PLCB1: variants seen among roughly 807,000 people sequenced by gnomAD.
The protein encoded by PLCB1 is phospholipase C beta 1.
A neutral mutation model predicts 161.8 loss-of-function variants in PLCB1; 46 were observed. That is an observed-to-expected ratio of 0.28 (90% CI 0.22 to 0.36). The LOEUF is 0.36. Ranked by LOEUF, PLCB1 falls within the 10% of genes least tolerant of loss-of-function variation. The pLI, the probability that PLCB1 is intolerant of heterozygous loss-of-function variation, is 1.00. For missense variants in PLCB1, 1,016 were observed against 1,472.5 expected (o/e 0.69, Z 5.07); for synonymous variants, 517 against 503.7 (o/e 1.03, Z -0.35).
intron 20 of PLCB1, among the ~76,000 whole-genome samples, chr20:8,737,917 T>C (rs1426054310): frequency 6.6e-6 from 1 of 152,254 alleles, no homozygotes; most frequent in Non-Finnish European, 1.5e-5. Context: ...CTTACAGTTA[T>C]TATGAATATT....
intron 10 of PLCB1, among the ~76,000 whole-genome samples, chr20:8,695,632 G>A (rs1012845127): frequency 6.6e-6 from 1 of 152,134 alleles, no homozygotes; most frequent in South Asian, 2.1e-4. Context: ...AGCCTAGGGG[G>A]TTGAAGCTTC....
chr20:8,426,058 T>C (rs1315652050), intron 3 of PLCB1, among the ~76,000 whole-genome samples: 4 of 152,176 alleles, frequency 2.6e-5, no homozygotes, highest in Non-Finnish European at 5.9e-5. Flanking sequence ...GCCCACTTTT[T>C]AGCTGAGTTG....
At chr20:8,168,265 CTG>C (rs1383290849) in intron 2 of PLCB1, among the ~76,000 whole-genome samples, 1 of 152,186 alleles carries the variant, frequency 6.6e-6, no homozygotes, top group African/African-American at 2.4e-5. Flanking sequence ...TAATTTGTGA[CTG>C]TTTTTGAATT....
At chr20:8,766,255 C>T (rs909221177) in intron 26 of PLCB1, among the ~76,000 whole-genome samples, 5 of 152,148 alleles carry the variant, frequency 3.3e-5, no homozygotes, top group African/African-American at 1.2e-4. Context: ...AACAAACACA[C>T]AGCATCATCT....
chr20:8,559,519 A>G (rs1247465969), intron 3 of PLCB1, among the ~76,000 whole-genome samples: 1 of 151,948 alleles, frequency 6.6e-6, no homozygotes, highest in Non-Finnish European at 1.5e-5. Flanking sequence ...AAAAACAGAG[A>G]TTGTCAGATT....
chr20:8,795,006 T>C (rs1734537358), intron 31 of PLCB1, among the ~76,000 whole-genome samples: 1 of 152,172 alleles, frequency 6.6e-6, no homozygotes, highest in Non-Finnish European at 1.5e-5. Flanking sequence ...GTTCCCAACA[T>C]TTTTACCATC....
intron 31 of PLCB1, among the ~76,000 whole-genome samples, chr20:8,863,683 A>G (rs1230366584): frequency 6.6e-6 from 1 of 152,206 alleles, no homozygotes; most frequent in Non-Finnish European, 1.5e-5. Context: ...TTTTACCATT[A>G]TAACCAAAAG....
chr20:8,839,322 A>G (rs890740974), intron 31 of PLCB1, among the ~76,000 whole-genome samples: 6 of 152,094 alleles, frequency 3.9e-5, no homozygotes, highest in African/African-American at 1.2e-4. Context: ...GCTTCTTTCA[A>G]TTTTTGGAGG....
At chr20:8,575,077 C>CAATATAAGT (rs1986634903) in intron 3 of PLCB1, among the ~76,000 whole-genome samples, 1 of 152,196 alleles carries the variant, frequency 6.6e-6, no homozygotes. Context: ...TTTAGTCCAA[C>CAATATAAGT]CCATAGATTG....
At chr20:8,306,296 C>T (rs1984134973) in intron 2 of PLCB1, 2 of 152,142 alleles carry the variant, frequency 1.3e-5, no homozygotes, top group African/African-American at 2.4e-5. Context: ...TCCTCTCCAT[C>T]CAAAATGAAT....
chr20:8,149,730 G>A (rs2051490421), intron 1 of PLCB1, among the ~76,000 whole-genome samples: 1 of 152,060 alleles, frequency 6.6e-6, no homozygotes, highest in African/African-American at 2.4e-5. Context: ...TACTATGCAT[G>A]CTTTAAACTC....
intron 2 of PLCB1, among the ~76,000 whole-genome samples, chr20:8,251,653 TTATTA>T: frequency 6.6e-6 from 1 of 151,936 alleles, no homozygotes; most frequent in Non-Finnish European, 1.5e-5. Flanking sequence ...TTCCTGCTGG[TTATTA>T]GAAGGGCATG....
At chr20:8,195,776 C>T (rs576098652) in intron 2 of PLCB1, among the ~76,000 whole-genome samples, 1 of 152,168 alleles carries the variant, frequency 6.6e-6, no homozygotes, top group South Asian at 2.1e-4. Flanking sequence ...AAGTATTGGT[C>T]AGTTACTTTA....
At chr20:8,478,795 T>C (rs896575959) in intron 3 of PLCB1, among the ~76,000 whole-genome samples, 9 of 152,164 alleles carry the variant, frequency 5.9e-5, no homozygotes, top group African/African-American at 2.2e-4. Context: ...TTATGAAATA[T>C]CAATTCTGAA....
chr20:8,493,303 T>C (rs1983025240), intron 3 of PLCB1, among the ~76,000 whole-genome samples: 1 of 152,176 alleles, frequency 6.6e-6, no homozygotes, highest in South Asian at 2.1e-4. Context: ...GAACACTGAC[T>C]TAAAAAAAAT....
chr20:8,269,857 G>A (rs747353289), intron 2 of PLCB1, among the ~76,000 whole-genome samples: 3 of 151,382 alleles, frequency 2.0e-5, no homozygotes, highest in Non-Finnish European at 2.9e-5. Flanking sequence ...AAATAATAAT[G>A]TAAACATTCT....
intron 20 of PLCB1, among the ~76,000 whole-genome samples, chr20:8,737,554 A>G (rs963890549): frequency 4.6e-5 from 7 of 152,216 alleles, no homozygotes; most frequent in Non-Finnish European, 1.0e-4. Flanking sequence ...AAGAAAATTC[A>G]TATTTCCTTT....
chr20:8,595,594 A>G (rs1459784416), intron 3 of PLCB1, among the ~76,000 whole-genome samples: 1 of 147,680 alleles, frequency 6.8e-6, no homozygotes, highest in African/African-American at 2.5e-5. Context: ...AGCATGATTT[A>G]TAGTCCTTTG....
chr20:8,161,882 C>T (rs2051628830), intron 2 of PLCB1, among the ~76,000 whole-genome samples: 1 of 151,286 alleles, frequency 6.6e-6, no homozygotes, highest in African/African-American at 2.4e-5. Context: ...ATTCAGTAAA[C>T]TTCCTGAAAG....
Sources: allele counts gnomAD v4.1 joint callset (sites outside exome capture counted in the v4.1 genomes callset), GRCh38; gene constraint gnomAD v4.1.1; transcripts MANE v1.5; gene names NCBI Gene and HGNC (gene_info 2026-07-23, HGNC 2026-07-21).